The following SLC30A6 variants were observed in gnomAD, a reference collection of about 807,000 sequenced individuals.
SLC30A6 encodes the protein solute carrier family 30 member 6.
In SLC30A6, 55 loss-of-function variants were observed where a neutral mutation model predicts 63.0. That is an observed-to-expected ratio of 0.87 (90% CI 0.70 to 1.09). The LOEUF (loss-of-function observed/expected upper bound fraction) is 1.09, where lower values mean the gene tolerates loss of function less well. Among genes scored for constraint, SLC30A6 ranks in the 50% least tolerant of loss-of-function variants. The pLI is 0.00. For missense variants in SLC30A6, 587 were observed against 549.2 expected, an observed-to-expected ratio of 1.07 and a Z score of -0.69; for synonymous variants, 224 against 186.1, an observed-to-expected ratio of 1.20 and a Z score of -1.66.
chr2:32,192,527 G>C (rs1683422762), intron 6 of SLC30A6, 111 bp downstream of exon 6: 1 of 857,032 alleles, frequency 1.2e-6, no homozygotes, highest in Non-Finnish European at 1.8e-6. Context: ...AGATGAGCAG[G>C]GCTGGAGTTT....
At chr2:32,169,336 T>A (rs1680973701) in intron 1 of SLC30A6, among the ~76,000 whole-genome samples, 1 of 152,098 alleles carries the variant, frequency 6.6e-6, no homozygotes, top group African/African-American at 2.4e-5. Flanking sequence ...GCCTGGCTAA[T>A]TTTTTTCTTT....
chr2:32,202,140 T>A lies in SLC30A6; in HGVS notation c.666-2450T>A, dbSNP rs1201090731. On this transcript the variant is annotated intron_variant, in intron 10 of 13. Coordinates refer to ENST00000282587, the MANE Select transcript of SLC30A6 (RefSeq NM_017964.5). ...AAGGAACCTTCTCCAATCTTCCTAT[T>A]TCTGAAGAGACTATAAAGCTTCTGA... 2.0e-5 allele frequency: 15 copies of A among 747,022 alleles called. No individual in the cohort carries two copies. In the East Asian group the frequency reaches 4.4e-4, roughly 22 times the overall value. 46.3% of individuals were successfully genotyped at this position (747,022 alleles called of 1,614,324 possible).
At chr2:32,180,851 C>T (rs1682247165) in intron 4 of SLC30A6, among the ~76,000 whole-genome samples, 1 of 152,172 alleles carries the variant, frequency 6.6e-6, no homozygotes, top group South Asian at 2.1e-4. Context: ...AATAATGTTT[C>T]CCTTATGTCT....
intron 4 of SLC30A6, among the ~76,000 whole-genome samples, chr2:32,182,400 A>G (rs1025932253): frequency 6.6e-6 from 1 of 152,206 alleles, no homozygotes; most frequent in East Asian, 1.9e-4. Context: ...TTAGCACACT[A>G]TATGAACCCT....
At chr2:32,189,302 T>G (rs1163920011) in intron 5 of SLC30A6, among the ~76,000 whole-genome samples, 1 of 74,448 alleles carries the variant, frequency 1.3e-5, no homozygotes, top group East Asian at 3.5e-4. Context: ...TTTTTTTTTC[T>G]TTTTTTTGAG....
intron 12 of SLC30A6, among the ~76,000 whole-genome samples, chr2:32,208,139 T>G (rs1384925999): frequency 6.7e-6 from 1 of 148,600 alleles, no homozygotes; most frequent in East Asian, 2.1e-4. Flanking sequence ...GCCTGTTTTT[T>G]GTTTTTTTTG....
At chr2:32,214,392 C>T (rs1489082776) in intron 13 of SLC30A6, 3 of 152,208 alleles carry the variant, frequency 2.0e-5, no homozygotes, top group Middle Eastern at 6.8e-3. Flanking sequence ...TAGAACTACA[C>T]ACCTTGAGTC....
At chr2:32,168,045 T>C (rs560984595) in intron 1 of SLC30A6, among the ~76,000 whole-genome samples, 1 of 152,330 alleles carries the variant, frequency 6.6e-6, no homozygotes, top group South Asian at 2.1e-4. Context: ...AAACATCTGT[T>C]TTATAAGACA....
At chr2:32,172,494 G>A (rs1374745730) in intron 2 of SLC30A6, among the ~76,000 whole-genome samples, 1 of 151,814 alleles carries the variant, frequency 6.6e-6, no homozygotes, top group Non-Finnish European at 1.5e-5. Flanking sequence ...GATTACAGGG[G>A]TACACCACCA....
chr2:32,191,750 T>A (rs1683341261), intron 5 of SLC30A6, among the ~76,000 whole-genome samples: 1 of 152,056 alleles, frequency 6.6e-6, no homozygotes, highest in Admixed American at 6.6e-5. Context: ...ATGAGCCAAG[T>A]GTGGTGGCAC....
chr2:32,219,397 C>A (rs2148917730), intron 13 of SLC30A6, among the ~76,000 whole-genome samples: 1 of 151,828 alleles, frequency 6.6e-6, no homozygotes, highest in Middle Eastern at 3.4e-3. Flanking sequence ...TCTCTTCTCT[C>A]TCCCTCCTCC....
chr2:32,192,217 C>T (rs1683390523), intron 5 of SLC30A6, 119 bp from the exon 6 acceptor site: 7 of 803,492 alleles, frequency 8.7e-6, no homozygotes, highest in Admixed American at 2.3e-5. Flanking sequence ...GTGTTGGGCT[C>T]ATAGTAGACA....
intron 4 of SLC30A6, among the ~76,000 whole-genome samples, chr2:32,176,371 T>G (rs1451042044): frequency 6.6e-6 from 1 of 151,936 alleles, no homozygotes; most frequent in East Asian, 1.9e-4. Flanking sequence ...AAAAATGGCT[T>G]TATTTGGCCA....
Position 32,194,438 on chromosome 2 carries a change from A to G in SLC30A6, c.496+455A>G, listed in dbSNP as rs180976272. 7.2e-5 allele frequency among the ~76,000 whole-genome samples: 11 copies of G among 152,366 alleles called. No homozygotes were observed. In the East Asian group the frequency reaches 1.9e-3, roughly 27 times the overall value. On this transcript the variant is annotated intron_variant, in intron 8 of 13. Coordinates refer to ENST00000282587, the MANE Select transcript of SLC30A6 (RefSeq NM_017964.5). ...TGGGCATATATGTTTGCAAGTAGCC[A>G]AACTTTATTTCTTTGGAAATATTCT... is the stretch of plus-strand genomic sequence containing the variant.
chr2:32,200,622 A>G (rs1300523828), intron 10 of SLC30A6, among the ~76,000 whole-genome samples: 3 of 151,148 alleles, frequency 2.0e-5, no homozygotes, highest in South Asian at 2.1e-4. Flanking sequence ...GGGCGGTGCA[A>G]GATGTGCTTT....
chr2:32,206,729 A>G (rs1487226315), intron 11 of SLC30A6, among the ~76,000 whole-genome samples, 157 bp from the exon 12 acceptor site: 1 of 152,138 alleles, frequency 6.6e-6, no homozygotes, highest in East Asian at 1.9e-4. Context: ...TTGTTCCACT[A>G]GTGGGGCCAG....
chr2:32,183,193 G>T (rs1682494184), intron 4 of SLC30A6, among the ~76,000 whole-genome samples: 1 of 151,650 alleles, frequency 6.6e-6, no homozygotes, highest in African/African-American at 2.4e-5. Context: ...TCTAAAAAAA[G>T]AACATATATC....
intron 2 of SLC30A6, among the ~76,000 whole-genome samples, chr2:32,173,438 A>G (rs186759900): frequency 3.3e-5 from 5 of 151,862 alleles, no homozygotes; most frequent in East Asian, 1.9e-4. Flanking sequence ...CAGTGGCACA[A>G]TCTCATCTTA....
intron 4 of SLC30A6, among the ~76,000 whole-genome samples, chr2:32,181,351 G>A (rs897786364): frequency 1.3e-4 from 20 of 152,132 alleles, no homozygotes; most frequent in African/African-American, 4.8e-4. Flanking sequence ...GTGATGTACT[G>A]TAAGTTGTAA....
Sources: allele counts gnomAD v4.1 joint callset (sites outside exome capture counted in the v4.1 genomes callset), GRCh38; gene constraint gnomAD v4.1.1; transcripts MANE v1.5; gene names NCBI Gene and HGNC (gene_info 2026-07-23, HGNC 2026-07-21).